Variants in INO80 observed in about 807,000 individuals in gnomAD.
The protein encoded by INO80 is chromatin-remodeling ATPase INO80.
A neutral mutation model predicts 203.4 loss-of-function variants in INO80; 20 were observed. The observed-to-expected ratio is 0.10, with a 90% CI of 0.07 to 0.14. INO80 has a LOEUF of 0.14. INO80 is among the 10% of genes least tolerant of loss of function. The pLI is 1.00. For synonymous variants in INO80, 726 were observed against 685.2 expected (o/e 1.06, Z -0.93); for missense variants, 1,419 against 1,914.4 (o/e 0.74, Z 4.83).
intron 29 of INO80, among the ~76,000 whole-genome samples, chr15:40,992,043 T>C (rs2043823814): frequency 6.6e-6 from 1 of 152,224 alleles, no homozygotes; most frequent in South Asian, 2.1e-4. Context: ...CCCAAAGTGC[T>C]GGGATTACAG....
intron 27 of INO80, among the ~76,000 whole-genome samples, chr15:41,012,383 A>G (rs1442173143): frequency 1.3e-5 from 2 of 151,928 alleles, no homozygotes; most frequent in African/African-American, 4.8e-5. Context: ...CCTGGCCAAC[A>G]TGGTGAAACC....
chr15:41,083,033 G>A lies in INO80; in HGVS notation c.874-1960C>T, dbSNP rs191884649. On this transcript the variant is annotated intron_variant, in intron 7 of 35. Coordinates refer to ENST00000648947, the MANE Select transcript of INO80 (RefSeq NM_017553.3). The stretch of plus-strand genomic sequence containing the variant: ...TGCAGTGGCTCACGTCTGCAATCCC[G>A]GCACTATGGGAGGCCGAGGCGCACA... Among the ~76,000 whole-genome samples the A allele has an allele frequency of 2.7e-3, 414 of 151,770 alleles. 3 individuals are homozygous for A. The highest frequency in any genetic ancestry group is 0.013 in the South Asian group (62 of 4,790).
At chr15:41,016,577 G>T (rs979620777) in intron 26 of INO80, among the ~76,000 whole-genome samples, 5 of 152,180 alleles carry the variant, frequency 3.3e-5, no homozygotes, top group African/African-American at 1.2e-4. Flanking sequence ...TGAAAATTTT[G>T]TTTTTTCTTT....
chr15:41,046,206 CATATAT>C lies in INO80; in HGVS notation c.2736-1137_2736-1132del, dbSNP rs1160486459. Among the ~76,000 whole-genome samples the C allele has an allele frequency of 7.9e-3, 113 of 14,340 alleles. 1 individual carries two copies. The highest frequency in any genetic ancestry group is 0.05 in the Middle Eastern group (1 of 20). The allele number at this position is 14,340 out of a possible 152,430, so 9.4% of individuals were successfully genotyped here. ...GTGTGTCTCTGTGTGCGTATACATACATATATATATATATATATATATATATATATA... is the reference window on the plus strand; with the variant it reads ...GTGTGTCTCTGTGTGCGTATACATACATATATATATATATATATATATATA... On this transcript the variant is annotated intron_variant, in intron 23 of 35. Transcript: ENST00000648947.
intron 14 of INO80, among the ~76,000 whole-genome samples, chr15:41,067,947 A>C (rs1265098372): frequency 1.3e-5 from 2 of 152,242 alleles, no homozygotes; most frequent in African/African-American, 4.8e-5. Context: ...CCAACTTTTC[A>C]TAACTAAGCA....
Position 41,054,090 on chromosome 15 carries a change from C to T in INO80, c.2189-76G>A, listed in dbSNP as rs181657446. 1.2e-4 allele frequency: 142 copies of T among 1,152,014 alleles called. 1 individual carries two copies. In the Admixed American group the frequency reaches 1.3e-3, roughly 10 times the overall value. The allele number at this position is 1,152,014 out of a possible 1,614,324, so 71.4% of individuals were successfully genotyped here. On this transcript the variant is annotated intron_variant, in intron 18 of 35. Transcript: ENST00000648947. Reference sequence around the variant, plus strand: ...ACAACAGAAACAAATACCACATTCACCTCTCACCAAACTCTTCAAAACTCC... The same window carrying T: ...ACAACAGAAACAAATACCACATTCATCTCTCACCAAACTCTTCAAAACTCC...
chr15:41,056,797 CA>C lies in INO80; in HGVS notation c.1986-92del, dbSNP rs1415534946. ...ACCCCATATTGACAAAAATGCCTTC[CA>C]AAAAACTAACATTCAGAATCAAGTA... On this transcript the variant is annotated intron_variant, in intron 16 of 35. Transcript: ENST00000648947. 11 of 973,586 alleles carry C rather than the reference CA, an allele frequency of 1.1e-5. 1 individual carries two copies. The Admixed American group carries it at 2.2e-4, about 19-fold the overall frequency. 60.3% of individuals were successfully genotyped at this position (973,586 alleles called of 1,614,324 possible). A position where few individuals can be genotyped will look rare whatever the true frequency, so the allele number is the denominator to read the frequency against.
chr15:41,005,513 TAA>T (rs76845507), intron 28 of INO80, 78 bp downstream of exon 28: 3,631 of 562,902 alleles, frequency 6.5e-3, no homozygotes, highest in South Asian at 0.013. Context: ...TCCTGGCATT[TAA>T]AAAAAAAAAA....
At chr15:41,042,421 G>A (rs1039784896) in intron 24 of INO80, among the ~76,000 whole-genome samples, 2 of 152,110 alleles carry the variant, frequency 1.3e-5, no homozygotes, top group Non-Finnish European at 2.9e-5. Flanking sequence ...CGAAGTGCTA[G>A]GATTACAGGC....
At chr15:40,987,321 T>A (rs2305656) in intron 30 of INO80, 128 bp from the exon 31 acceptor site, 175,677 of 573,932 alleles carry the variant, frequency 0.31, 28,692 homozygotes, top group Non-Finnish European at 0.35. Flanking sequence ...TTTCTTCTTT[T>A]CTCCCTTTTC....
intron 7 of INO80, among the ~76,000 whole-genome samples, chr15:41,084,695 T>C (rs1038059767): frequency 6.6e-6 from 1 of 152,230 alleles, no homozygotes; most frequent in African/African-American, 2.4e-5. Context: ...TTGTAAATTC[T>C]CTAAGAAACA....
intron 24 of INO80, among the ~76,000 whole-genome samples, chr15:41,042,593 C>T (rs184638386): frequency 6.6e-6 from 1 of 152,072 alleles, no homozygotes; most frequent in Non-Finnish European, 1.5e-5. Context: ...CATGCCTCAG[C>T]CTCCCGAGTA....
At chr15:41,064,986 G>A (rs968974590) in intron 14 of INO80, among the ~76,000 whole-genome samples, 3 of 151,126 alleles carry the variant, frequency 2.0e-5, no homozygotes, top group Admixed American at 6.6e-5. Flanking sequence ...GAAACAGAGC[G>A]AGACACTGTC....
chr15:41,025,502 G>C lies in INO80; in HGVS notation c.3048+2094C>G, dbSNP rs138424861. On this transcript the variant is annotated intron_variant, in intron 25 of 35. Coordinates refer to ENST00000648947, the MANE Select transcript of INO80 (RefSeq NM_017553.3). ...GGCTTAGGCAGGAGGATCACATGAG[G>C]TTAGGAGTTCGAGCCCAGCCTGGCT... Among the ~76,000 whole-genome samples, 101 of 152,146 alleles carry C rather than the reference G, an allele frequency of 6.6e-4. 2 individuals are homozygous for C. The highest frequency in any genetic ancestry group is 2.4e-3 in the African/African-American group (99 of 41,506).
rs1196539025 is a variant in INO80, at chr15:41,009,285, GGTTA to G, written c.3403-3602_3403-3599del. 7.7e-4 allele frequency among the ~76,000 whole-genome samples: 115 copies of G among 149,842 alleles called. 1 individual carries two copies. Among genetic ancestry groups the G allele is most frequent in the Non-Finnish European group, 1.5e-4 (10 of 67,722 alleles). On this transcript the variant is annotated intron_variant, in intron 27 of 35. Coordinates refer to ENST00000648947, the MANE Select transcript of INO80 (RefSeq NM_017553.3). ...TTAGGGTACATGTGCACAATGTGCA[GGTTA>G]GTTACATATGTATACATGTGCCATG...
chr15:41,053,228 C>T (rs759779278), intron 19 of INO80, among the ~76,000 whole-genome samples: 19 of 152,156 alleles, frequency 1.2e-4, no homozygotes, highest in Non-Finnish European at 2.2e-4. Flanking sequence ...GCCTCAGCCT[C>T]CCGAGTAACT....
At position 41,053,964 on chromosome 15, in the gene INO80, T is replaced by C; in HGVS notation, c.2239A>G (p.Ile747Val). ...MILKPFMLRR[I>V]KKDVENELSD... ...AATTCATTTTCCACATCTTTCTTGA[T>C]TCTCCTCAGCATAAATGGCTTCAAA... Residue 747 changes from isoleucine (I) to valine (V), a missense_variant, in exon 19 of 36, where the codon ATC (isoleucine) becomes GTC (valine). By Grantham distance (29) the Ile-to-Val change is conservative. Transcript: ENST00000648947. 1 of 1,613,942 alleles carries C rather than the reference T, an allele frequency of 6.2e-7. No individual in the cohort carries two copies. The highest frequency in any genetic ancestry group is 1.1e-5 in the South Asian group (1 of 91,074).
rs921730515 is a variant in INO80 at position 41,012,741 on chromosome 15, T to G, written c.3402+3347A>C. Among the ~76,000 whole-genome samples the G allele has an allele frequency of 7.2e-5, 11 of 152,232 alleles. No homozygotes were observed. In the South Asian group the frequency reaches 2.3e-3, roughly 32 times the overall value. On this transcript the variant is annotated intron_variant, in intron 27 of 35. Coordinates refer to ENST00000648947, the MANE Select transcript of INO80 (RefSeq NM_017553.3). ...TCTTCACTATTTTTGTTTTTCTTAG[T>G]GCCCATTTGTTACAGCAAAAGCACT...
In INO80 at chr15:40,992,437, G is replaced by A. The variant is rs546693805; in HGVS notation, c.3571-4463C>T. On this transcript the variant is annotated intron_variant, in intron 29 of 35. Transcript: ENST00000648947. ...ATGTTTTTACTAACCAAGTAGGCCA[G>A]ATAGAGTCCCACTATTTATAAATAC... 1.7e-3 allele frequency among the ~76,000 whole-genome samples: 262 copies of A among 152,328 alleles called. 2 individuals carry two copies. The highest frequency in any genetic ancestry group is 5.9e-3 in the African/African-American group (245 of 41,578).
Sources: gnomAD v4.1 joint callset for allele counts (sites outside exome capture counted in the v4.1 genomes callset) on GRCh38, gnomAD v4.1.1 for gene constraint, MANE v1.5 for transcripts, NCBI Gene and HGNC (gene_info 2026-07-23, HGNC 2026-07-21) for gene names.